Variants in TET3 observed in about 807,000 individuals in gnomAD.
TET3 encodes the protein methylcytosine dioxygenase TET3.
Under a neutral mutation model 141.4 loss-of-function variants are expected in TET3, and 19 were observed. The ratio of observed to expected loss-of-function variants is 0.13; its 90% CI spans 0.09 to 0.20. The LOEUF is 0.20. Among genes scored for constraint, TET3 ranks in the 10% least tolerant of loss-of-function variants. The pLI is 1.00. For synonymous variants in TET3, 1,043 were observed against 980.9 expected (o/e 1.06, Z -1.18); for missense variants, 1,874 against 2,356.9 (o/e 0.80, Z 4.24).
chr2:74,065,757 CTCTTT>C (rs1688864442), intron 4 of TET3, among the ~76,000 whole-genome samples: 1 of 131,724 alleles, frequency 7.6e-6, no homozygotes, highest in Non-Finnish European at 1.7e-5. Context: ...CTCTTCTCTT[CTCTTT>C]TGTTTTTTCT....
chr2:73,990,811 A>G (rs755727543), intron 2 of TET3, among the ~76,000 whole-genome samples: 2 of 152,192 alleles, frequency 1.3e-5, no homozygotes, highest in African/African-American at 2.4e-5. Flanking sequence ...TCCTGCTGGT[A>G]GTTCTATCTT....
At chr2:74,006,342 G>A (rs1032921896) in intron 3 of TET3, among the ~76,000 whole-genome samples, 1 of 152,256 alleles carries the variant, frequency 6.6e-6, no homozygotes, top group African/African-American at 2.4e-5. Context: ...CCCCATCCAT[G>A]ATAAGAACTG....
chr2:74,027,892 A>G (rs890756154), intron 3 of TET3, among the ~76,000 whole-genome samples: 4 of 152,148 alleles, frequency 2.6e-5, no homozygotes, highest in African/African-American at 9.7e-5. Flanking sequence ...AGGGGTTGTA[A>G]GAGTTTGTTA....
In TET3 at chr2:74,047,409, T is replaced by TCCCCGG. The variant is rs750315378; in HGVS notation, c.1503_1508dup (p.Ala502_Pro503dup). ...GGTCAAGGTGGAGGCACCCTCTTCC[T>TCCCCGG]CCCCGGCCCCGGCCCCATCCCCTGT... is the stretch of plus-strand genomic sequence containing the variant. On this transcript the variant is annotated inframe_insertion, in exon 4 of 12. Transcript: ENST00000409262. 81 of 1,612,896 alleles carry TCCCCGG rather than the reference T, an allele frequency of 5.0e-5. 1 individual carries two copies. In the East Asian group the frequency reaches 5.1e-4, roughly 10 times the overall value.
At chr2:74,113,022 A>C (rs1219922174), downstream of TET3, among the ~76,000 whole-genome samples, 1 of 150,454 alleles carries the variant, frequency 6.6e-6, no homozygotes, top group African/African-American at 2.4e-5. Flanking sequence ...AAAAAAAAAA[A>C]AAAAAAAAAA....
the TET3 span, among the ~76,000 whole-genome samples, chr2:74,120,058 T>G: frequency 1.1e-4 from 16 of 152,218 alleles, no homozygotes; most frequent in African/African-American, 3.4e-4. Flanking sequence ...GAAGCCCTGT[T>G]ACCTCGGGCC....
In TET3 at chr2:74,046,865, A is replaced by G. The variant is rs745999928; in HGVS notation, c.948A>G (p.Pro316=). The change falls in exon 4 of 12, where the codon CCA becomes CCG. Residue 316 remains proline (P), a synonymous_variant. Transcript: ENST00000409262. The surrounding 1 kb of genome is among the most constrained non-coding windows in gnomAD (Gnocchi z 4.3). ...GPLPPGEAGL[P]APSTRPLLSS... is the part of the protein sequence containing the mutation. ...TGCCTCCTGGTGAGGCCGGCCTCCC[A>G]GCACCAAGCACCAGGCCACTCCTCA... The G allele has an allele frequency of 3.7e-6, 6 of 1,613,398 alleles. No individual in the cohort carries two copies. The Middle Eastern group carries it at 8.2e-4, about 221-fold the overall frequency.
chr2:74,125,405 C>G, the TET3 span, among the ~76,000 whole-genome samples: 4 of 152,210 alleles, frequency 2.6e-5, no homozygotes, highest in African/African-American at 9.7e-5. Context: ...GACAGCCACA[C>G]AGTAGACTTT....
At chr2:74,060,727 T>C (rs995247449) in intron 4 of TET3, among the ~76,000 whole-genome samples, 1 of 152,162 alleles carries the variant, frequency 6.6e-6, no homozygotes, top group Non-Finnish European at 1.5e-5. Flanking sequence ...GTGATGACTC[T>C]TAGCGAGCAT....
At chr2:74,111,861 T>C (rs2104296050), downstream of TET3, among the ~76,000 whole-genome samples, 1 of 152,308 alleles carries the variant, frequency 6.6e-6, no homozygotes, top group Middle Eastern at 3.4e-3. Context: ...CCAAGGGACA[T>C]TGTCCTCACT....
At chr2:74,100,231 G>A (rs571439178) in intron 11 of TET3, among the ~76,000 whole-genome samples, 162 bp from the exon 12 acceptor site, 9 of 152,256 alleles carry the variant, frequency 5.9e-5, no homozygotes, top group African/African-American at 2.2e-4. Flanking sequence ...CAGGGAGTAC[G>A]ACCCGTTCTG....
intron 4 of TET3, among the ~76,000 whole-genome samples, chr2:74,058,901 C>G (rs535353038): frequency 6.6e-6 from 1 of 152,168 alleles, no homozygotes; most frequent in Non-Finnish European, 1.5e-5. Context: ...CATTTCACGA[C>G]TCATGAAAAT....
intron 3 of TET3, among the ~76,000 whole-genome samples, chr2:74,003,753 ACT>A (rs1383307284): frequency 6.8e-6 from 1 of 147,516 alleles, no homozygotes; most frequent in Non-Finnish European, 1.5e-5. Context: ...GTCTGCTGTT[ACT>A]CTGTGTGACT....
chr2:74,019,126 G>A (rs1321943600), intron 3 of TET3, among the ~76,000 whole-genome samples: 5 of 152,088 alleles, frequency 3.3e-5, no homozygotes, highest in African/African-American at 7.2e-5. Flanking sequence ...GTGTGGTGGC[G>A]CATGCCTGTA....
At chr2:73,995,785 T>C (rs929887088) in intron 2 of TET3, among the ~76,000 whole-genome samples, 1 of 152,050 alleles carries the variant, frequency 6.6e-6, no homozygotes, top group Non-Finnish European at 1.5e-5. Flanking sequence ...TCTTTTTAGG[T>C]TGGGGAAATA....
At chr2:74,044,362 A>G (rs1350504166) in intron 3 of TET3, among the ~76,000 whole-genome samples, 2 of 152,352 alleles carry the variant, frequency 1.3e-5, no homozygotes, top group South Asian at 2.1e-4. Context: ...TGTATTTATC[A>G]TCTTGTCTGT....
intron 3 of TET3, among the ~76,000 whole-genome samples, chr2:74,009,416 A>C (rs1331193140): frequency 6.6e-6 from 1 of 152,216 alleles, no homozygotes. Flanking sequence ...TGGCTTGAAT[A>C]GGCTCAGGCT....
chr2:74,032,490 T>G (rs1462199394), intron 3 of TET3, among the ~76,000 whole-genome samples: 2 of 73,540 alleles, frequency 2.7e-5, no homozygotes. Context: ...TGTGTGTGTG[T>G]GTGTGTGTGT....
chr2:74,115,238 G>A, the TET3 span, among the ~76,000 whole-genome samples: 2 of 152,048 alleles, frequency 1.3e-5, no homozygotes, highest in Non-Finnish European at 2.9e-5. Context: ...GAATATACAA[G>A]GAACTCAAAC....
Sources: allele counts gnomAD v4.1 joint callset (sites outside exome capture counted in the v4.1 genomes callset), GRCh38; gene constraint gnomAD v4.1.1; non-coding constraint Gnocchi (gnomAD v3.1); transcripts MANE v1.5; gene names NCBI Gene and HGNC (gene_info 2026-07-23, HGNC 2026-07-21).